The following DISC1 variants were observed in gnomAD, a reference collection of about 807,000 sequenced individuals.
DISC1 encodes DISC1 scaffold protein.
A neutral mutation model predicts 84.5 loss-of-function variants in DISC1; 57 were observed. The ratio of observed to expected loss-of-function variants is 0.67; its 90% CI spans 0.55 to 0.84. The LOEUF (loss-of-function observed/expected upper bound fraction) is 0.84. Among genes scored for constraint, DISC1 ranks in the 40% least tolerant of loss-of-function variants. The pLI, the probability that DISC1 is intolerant of heterozygous loss-of-function variation, is 0.00. For missense variants in DISC1, 1,000 were observed against 1,057.8 expected (o/e 0.95, Z 0.76); for synonymous variants, 411 against 415.2 (o/e 0.99, Z 0.12).
At chr1:231,815,278 C>T (rs2080811476) in intron 8 of DISC1, 1 of 152,038 alleles carries the variant, frequency 6.6e-6, no homozygotes. Flanking sequence ...TACGAACAGC[C>T]CTACCAAGAG....
At chr1:231,755,891 T>C (rs2075063939) in intron 4 of DISC1, among the ~76,000 whole-genome samples, 1 of 152,250 alleles carries the variant, frequency 6.6e-6, no homozygotes, top group Admixed American at 6.5e-5. Flanking sequence ...ATTATTGCAG[T>C]GGTCTCCTTG....
chr1:231,735,182 A>C (rs1573380251), intron 3 of DISC1, among the ~76,000 whole-genome samples: 2 of 152,238 alleles, frequency 1.3e-5, no homozygotes. Flanking sequence ...TTTAAAAAAC[A>C]TACTTTTAAT....
At position 231,626,900 on chromosome 1, in the gene DISC1, C is replaced by T. The variant is rs2058292353; in HGVS notation, c.33C>T (p.Ala11=). The T allele has an allele frequency of 2.0e-6, 3 of 1,501,682 alleles. No individual in the cohort carries two copies. Among genetic ancestry groups the T allele is most frequent in the African/African-American group, 2.9e-5 (2 of 68,752 alleles). 93.0% of individuals were successfully genotyped at this position (1,501,682 alleles called of 1,614,324 possible). A position where few individuals can be genotyped will look rare whatever the true frequency, so the allele number is the denominator to read the frequency against. ...GCGGGGGTCCTCAGGGCGCCCCAGC[C>T]GCCGCCGGCGGCGGCGGCGTGAGCC... is the stretch of plus-strand genomic sequence containing the variant. The part of the protein sequence containing the change: MPGGGPQGAP[A]AAGGGGVSHR... Residue 11 remains alanine, a synonymous_variant, in exon 1 of 13, where the codon GCC becomes GCT. Coordinates refer to ENST00000439617, the MANE Select transcript of DISC1 (RefSeq NM_018662.3).
intron 10 of DISC1, among the ~76,000 whole-genome samples, chr1:231,960,467 G>A (rs750542294): frequency 2.0e-5 from 3 of 152,088 alleles, no homozygotes; most frequent in Admixed American, 2.0e-4. Context: ...TAGTCAGGCT[G>A]GTCACAAACT....
chr1:232,011,732 C>T (rs939324341), intron 11 of DISC1, among the ~76,000 whole-genome samples: 3 of 152,168 alleles, frequency 2.0e-5, no homozygotes, highest in Admixed American at 2.0e-4. Context: ...CATAATTTTA[C>T]ATCAGAAAGA....
chr1:231,889,748 T>A (rs1438528740), intron 9 of DISC1, among the ~76,000 whole-genome samples: 1 of 152,278 alleles, frequency 6.6e-6, no homozygotes, highest in East Asian at 1.9e-4. Context: ...CCCTCTTTTT[T>A]TTTCATCTTC....
At chr1:232,025,314 T>C (rs1395331536) in intron 11 of DISC1, among the ~76,000 whole-genome samples, 1 of 152,196 alleles carries the variant, frequency 6.6e-6, no homozygotes, top group African/African-American at 2.4e-5. Flanking sequence ...AGCTTGCCTT[T>C]AGGAGAGTTG....
At chr1:231,722,962 A>T in intron 3 of DISC1, 1 of 1,194,338 alleles carries the variant, frequency 8.4e-7, no homozygotes, top group Non-Finnish European at 1.0e-6. Flanking sequence ...ATATGCTATG[A>T]TTAATGTCAG....
rs1370061534 is a variant in DISC1 at position 231,954,710 on chromosome 1, A to G, written c.1982-4118A>G. 6.6e-6 allele frequency among the ~76,000 whole-genome samples: 1 copy of G among 152,214 alleles called. No homozygotes were observed. Among genetic ancestry groups the G allele is most frequent in the Non-Finnish European group, 1.5e-5 (1 of 68,054 alleles). On this transcript the variant is annotated intron_variant, in intron 9 of 12. Transcript: ENST00000439617. This position sits in a 1 kb window ranked among gnomAD's most constrained non-coding sequence, Gnocchi z 4.8. ...GGGAAGAAAGGAAGAGGAGGGGAGT[A>G]AGAAGAGAGGAAAAGGTGAGCTCTA...
intron 6 of DISC1, 109 bp downstream of exon 6, chr1:231,771,179 A>AT: frequency 6.8e-7 from 1 of 1,459,876 alleles, no homozygotes; most frequent in South Asian, 1.5e-5. Flanking sequence ...AGCAGTCTGT[A>AT]TTTTTCAGTG....
chr1:231,961,441 G>A (rs940807808), intron 10 of DISC1, among the ~76,000 whole-genome samples: 1 of 152,290 alleles, frequency 6.6e-6, no homozygotes, highest in Non-Finnish European at 1.5e-5. Flanking sequence ...TTATATGGAT[G>A]TATCGTGCGA....
At chr1:231,907,069 C>CCTTCCTTT (rs2088749519) in intron 9 of DISC1, among the ~76,000 whole-genome samples, 3 of 101,530 alleles carry the variant, frequency 3.0e-5, no homozygotes, top group Non-Finnish European at 4.0e-5. Context: ...TTCCTTCCTT[C>CCTTCCTTT]CCTCCCTCCC....
At chr1:231,886,759 C>CT (rs2086713639) in intron 9 of DISC1, among the ~76,000 whole-genome samples, 1 of 94,824 alleles carries the variant, frequency 1.1e-5, no homozygotes, top group Admixed American at 1.1e-4. Flanking sequence ...TCCTTTCTTC[C>CT]TTCCTTCCTT....
chr1:231,992,311 G>T (rs538464301), intron 10 of DISC1, among the ~76,000 whole-genome samples: 7 of 151,968 alleles, frequency 4.6e-5, no homozygotes, highest in Admixed American at 2.6e-4. Flanking sequence ...TGATTGGCTG[G>T]TTTTTTTTCT....
At chr1:231,955,185 A>G (rs1441899516) in intron 9 of DISC1, among the ~76,000 whole-genome samples, 1 of 152,194 alleles carries the variant, frequency 6.6e-6, no homozygotes, top group Non-Finnish European at 1.5e-5. Context: ...CGCGTTGCGT[A>G]CGATCAGCAA....
intron 9 of DISC1, among the ~76,000 whole-genome samples, chr1:231,864,376 G>T (rs1460433873): frequency 1.3e-5 from 2 of 152,110 alleles, no homozygotes; most frequent in East Asian, 3.8e-4. Context: ...AAAACCTGAG[G>T]GGGTGGGCCG....
chr1:231,842,354 T>G (rs2083142772), intron 9 of DISC1, among the ~76,000 whole-genome samples: 1 of 152,154 alleles, frequency 6.6e-6, no homozygotes, highest in Non-Finnish European at 1.5e-5. Context: ...CTGTAATCCT[T>G]GCATAGAATA....
intron 9 of DISC1, among the ~76,000 whole-genome samples, chr1:231,881,365 T>C (rs2086279493): frequency 6.6e-6 from 1 of 152,216 alleles, no homozygotes; most frequent in African/African-American, 2.4e-5. Flanking sequence ...GAAGGATCTG[T>C]TCCAGGCTTC....
At chr1:231,723,512 G>T (rs200527783) in intron 3 of DISC1, 19 of 985,290 alleles carry the variant, frequency 1.9e-5, no homozygotes, top group Non-Finnish European at 2.3e-5. Context: ...GCAGTCCTGT[G>T]GTTACATCAA....
Sources: allele counts gnomAD v4.1 joint callset (sites outside exome capture counted in the v4.1 genomes callset), GRCh38; gene constraint gnomAD v4.1.1; non-coding constraint Gnocchi (gnomAD v3.1); transcripts MANE v1.5; gene names NCBI Gene and HGNC (gene_info 2026-07-23, HGNC 2026-07-21).